CALML4: variants seen among roughly 807,000 people sequenced by gnomAD.
CALML4 encodes calmodulin like 4.
Under a neutral mutation model 17.9 loss-of-function variants are expected in CALML4, and 16 were observed. That is an observed-to-expected ratio of 0.89 (90% confidence interval 0.61 to 1.36). The LOEUF (loss-of-function observed/expected upper bound fraction) is 1.36. CALML4 is among the 40% of genes most tolerant of loss of function. The pLI, the probability that CALML4 is intolerant of heterozygous loss-of-function variation, is 0.00. For synonymous variants in CALML4, 86 were observed against 71.5 expected, an observed-to-expected ratio of 1.20 and a Z score of -1.02; for missense variants, 203 against 194.8, an observed-to-expected ratio of 1.04 and a Z score of -0.25.
rs535392906 is a variant in CALML4, at chr15:68,200,689, G to A, written c.35-1008C>T. Reference sequence around the variant, plus strand: ...GTGGAAACACAGTGGCCTGGCGCTGGCCCTCCCAGGCTGGGGCTCAGGGCT... The same window carrying A: ...GTGGAAACACAGTGGCCTGGCGCTGACCCTCCCAGGCTGGGGCTCAGGGCT... On this transcript the variant is annotated intron_variant, in intron 2 of 4. Coordinates refer to ENST00000467889, the MANE Select transcript of CALML4 (RefSeq NM_033429.3). This position sits in a 1 kb window ranked among gnomAD's most constrained non-coding sequence, Gnocchi z 4.3. 4.6e-5 allele frequency among the ~76,000 whole-genome samples: 7 copies of A among 152,224 alleles called. No homozygotes were observed. Among genetic ancestry groups the A allele is most frequent in the Admixed American group, 1.3e-4 (2 of 15,292 alleles).
At chr15:68,202,861 C>T (rs558981849) in intron 2 of CALML4, among the ~76,000 whole-genome samples, 8 of 141,490 alleles carry the variant, frequency 5.7e-5, no homozygotes, top group African/African-American at 2.1e-4. Flanking sequence ...GTTGCCCAGG[C>T]TGGAGTGTAG....
chr15:68,205,451 G>C (rs1166452398), upstream of CALML4: 1 of 1,587,632 alleles, frequency 6.3e-7, no homozygotes, highest in African/African-American at 1.3e-5. The surrounding 1 kb of genome is among the most constrained non-coding windows in gnomAD (Gnocchi z 4.8). Flanking sequence ...ACCTGGGCAG[G>C]TTGGATTTTT....
At chr15:68,198,832 TAATG>T (rs2093155189) in intron 3 of CALML4, among the ~76,000 whole-genome samples, 1 of 152,150 alleles carries the variant, frequency 6.6e-6, no homozygotes. Context: ...CTCAAGAACT[TAATG>T]GATGTAAACC....
rs75910427 is a variant in CALML4 at position 68,204,535 on chromosome 15, C to T, written c.34+586G>A. 2.0e-3 allele frequency among the ~76,000 whole-genome samples: 298 copies of T among 152,308 alleles called. 3 individuals carry two copies. Among genetic ancestry groups the T allele is most frequent in the African/African-American group, 6.9e-3 (287 of 41,574 alleles). On this transcript the variant is annotated intron_variant, in intron 2 of 4. Transcript: ENST00000467889. This position sits in a 1 kb window ranked among gnomAD's most constrained non-coding sequence, Gnocchi z 6.0. ...AAGTTCTTTGTAACGCAACTCTTTGCTCTTGGCCTTCTGGAAATAGAACCC... is the reference window on the plus strand; with the variant it reads ...AAGTTCTTTGTAACGCAACTCTTTGTTCTTGGCCTTCTGGAAATAGAACCC...
At chr15:68,195,650 G>T (rs1019992852) in intron 4 of CALML4, among the ~76,000 whole-genome samples, 1 of 152,190 alleles carries the variant, frequency 6.6e-6, no homozygotes, top group African/African-American at 2.4e-5. Flanking sequence ...TTCACCCACA[G>T]CCATTCCAAG....
intron 4 of CALML4, among the ~76,000 whole-genome samples, chr15:68,196,852 G>A (rs914910765): frequency 2.6e-5 from 4 of 152,144 alleles, no homozygotes; most frequent in African/African-American, 7.2e-5. Flanking sequence ...TGCCTGTCTC[G>A]GCAGTTCTCC....
intron 2 of CALML4, among the ~76,000 whole-genome samples, chr15:68,201,792 T>G (rs1455036294): frequency 6.6e-6 from 1 of 152,210 alleles, no homozygotes; most frequent in East Asian, 1.9e-4. Context: ...GAACTTTGCA[T>G]TCCTGCACTG....
upstream of CALML4, chr15:68,205,453 T>C: frequency 6.3e-7 from 1 of 1,583,122 alleles, no homozygotes; most frequent in African/African-American, 1.3e-5. The surrounding 1 kb of genome is among the most constrained non-coding windows in gnomAD (Gnocchi z 4.8). Context: ...CTGGGCAGGT[T>C]GGATTTTTGA....
upstream of CALML4, chr15:68,205,488 C>T: frequency 7.5e-7 from 1 of 1,339,818 alleles, no homozygotes; most frequent in Admixed American, 2.0e-5. This position sits in a 1 kb window ranked among gnomAD's most constrained non-coding sequence, Gnocchi z 4.8. Flanking sequence ...AGAAGGCTCT[C>T]CCTGGGCTCA....
At position 68,198,888 on chromosome 15, in the gene CALML4, G is replaced by A. The variant is rs189555599; in HGVS notation, c.175+653C>T. On this transcript the variant is annotated intron_variant, in intron 3 of 4. Coordinates refer to ENST00000467889, the MANE Select transcript of CALML4 (RefSeq NM_033429.3). ...AAATGGAGTTAGGAGAAAGCTGGGC[G>A]CAGTGGCTCAGGCCTCTAACCCCAG... is the stretch of plus-strand genomic sequence containing the variant. Among the ~76,000 whole-genome samples, 26 of 152,288 alleles carry A rather than the reference G, an allele frequency of 1.7e-4. 1 individual carries two copies. Among genetic ancestry groups the A allele is most frequent in the Non-Finnish European group, 4.4e-5 (3 of 68,030 alleles).
chr15:68,197,374 T>C lies in CALML4; in HGVS notation c.364+66A>G. 6.6e-7 allele frequency: 1 copy of C among 1,518,692 alleles called. No homozygotes were observed. The highest frequency in any genetic ancestry group is 1.9e-5 in the Admixed American group (1 of 53,656). 94.1% of individuals were successfully genotyped at this position (1,518,692 alleles called of 1,614,324 possible). On this transcript the variant is annotated intron_variant, in intron 4 of 4. Transcript: ENST00000467889. This position sits in a 1 kb window ranked among gnomAD's most constrained non-coding sequence, Gnocchi z 4.1. ...ACCACCCTGGTGGCATCAGCTAGGC[T>C]TTGGTGCCCTCCTTCCAACTCCCTA...
intron 3 of CALML4, chr15:68,198,336 C>T (rs1050543357): frequency 6.6e-6 from 1 of 152,292 alleles, no homozygotes; most frequent in Non-Finnish European, 1.5e-5. Flanking sequence ...GCTCCCAGCG[C>T]AACTGCAGGC....
chr15:68,199,737 G>T, intron 2 of CALML4, 56 bp from the exon 3 acceptor site: 1 of 1,556,474 alleles, frequency 6.4e-7, no homozygotes, highest in South Asian at 1.2e-5. Flanking sequence ...CGCCCATGCC[G>T]CCCTCCCCAT....
upstream of CALML4, chr15:68,206,100 C>G (rs1261644902): frequency 6.6e-6 from 1 of 152,448 alleles, no homozygotes; most frequent in African/African-American, 2.4e-5. Context: ...CCTCTCTCCA[C>G]CCTCAGCCCC....
In CALML4 at chr15:68,200,236, G is replaced by A. The variant is rs1395674513; in HGVS notation, c.35-555C>T. ...ATCCCAGGAGGCCTGCCAGAGAGTG[G>A]CCTTCATATGATGATATTATCATCA... On this transcript the variant is annotated intron_variant, in intron 2 of 4. Coordinates refer to ENST00000467889, the MANE Select transcript of CALML4 (RefSeq NM_033429.3). The surrounding 1 kb of genome is among the most constrained non-coding windows in gnomAD (Gnocchi z 4.3). Among the ~76,000 whole-genome samples the A allele has an allele frequency of 6.6e-6, 1 of 152,206 alleles. No individual in the cohort carries two copies. Among genetic ancestry groups the A allele is most frequent in the Non-Finnish European group, 1.5e-5 (1 of 68,028 alleles).
rs775971661 is a variant in CALML4 at position 68,194,042 on chromosome 15, C to A, written c.435G>T (p.Lys145Asn). The A allele has an allele frequency of 3.1e-6, 5 of 1,614,072 alleles. No homozygotes were observed. The highest frequency in any genetic ancestry group is 3.4e-6 in the Non-Finnish European group (4 of 1,179,924). ...GKVKYDEFIH[K>N]ITLPGRDY The stretch of plus-strand genomic sequence containing the variant: ...AATAGTCCCGTCCAGGAAGGGTGAT[C>A]TTGTGGATAAATTCATCATACTTCA... The change falls in exon 5 of 5, where the codon AAG (lysine) becomes AAT (asparagine). Residue 145 changes from lysine to asparagine, a missense_variant. Lys to Asn is a moderately conservative substitution (Grantham distance 94). Transcript: ENST00000467889.
intron 2 of CALML4, among the ~76,000 whole-genome samples, chr15:68,201,870 C>T (rs2093166453): frequency 6.6e-6 from 1 of 152,220 alleles, no homozygotes; most frequent in African/African-American, 2.4e-5. Flanking sequence ...ACCATCTCTT[C>T]ACTCTCCCTC....
chr15:68,199,025 G>C (rs2141126650), intron 3 of CALML4, among the ~76,000 whole-genome samples: 1 of 152,030 alleles, frequency 6.6e-6, no homozygotes, highest in East Asian at 1.9e-4. Context: ...AGCTAGGCGT[G>C]GTGGCAGGCA....
chr15:68,205,062 AT>A lies in CALML4; in HGVS notation c.34+58del. ...CACCAAGAAAACATGAGCAGAGCAA[AT>A]TGCCTAATGAGACCCATATTTTGCT... On this transcript the variant is annotated intron_variant, in intron 2 of 4. Transcript: ENST00000467889. This position sits in a 1 kb window ranked among gnomAD's most constrained non-coding sequence, Gnocchi z 4.8. 1 of 1,589,204 alleles carries A rather than the reference AT, an allele frequency of 6.3e-7. No individual in the cohort carries two copies. The highest frequency in any genetic ancestry group is 1.1e-5 in the South Asian group (1 of 90,510).
Sources: gnomAD v4.1 joint callset for allele counts (sites outside exome capture counted in the v4.1 genomes callset) on GRCh38, gnomAD v4.1.1 for gene constraint, Gnocchi (gnomAD v3.1) non-coding constraint, MANE v1.5 for transcripts, NCBI Gene and HGNC (gene_info 2026-07-23, HGNC 2026-07-21) for gene names.